Variants in KHDRBS2 observed in about 807,000 individuals in gnomAD.
KHDRBS2 encodes the protein KH domain-containing, RNA-binding, signal transduction-associated protein 2.
A neutral mutation model predicts 44.3 loss-of-function variants in KHDRBS2; 26 were observed. That is an observed-to-expected ratio of 0.59 (90% confidence interval 0.43 to 0.81). The LOEUF is 0.81. Among genes scored for constraint, KHDRBS2 ranks in the 40% least tolerant of loss-of-function variants. KHDRBS2 has a pLI of 0.00. For missense variants in KHDRBS2, 476 were observed against 433.1 expected (o/e 1.10, Z -0.88); for synonymous variants, 194 against 151.1 (o/e 1.28, Z -2.08).
intron 2 of KHDRBS2, among the ~76,000 whole-genome samples, chr6:62,128,781 ATT>A (rs1809565922): frequency 6.6e-6 from 1 of 152,040 alleles, no homozygotes; most frequent in African/African-American, 2.4e-5. Flanking sequence ...GATGTAAACA[ATT>A]ACAACGACAC....
chr6:61,599,610 A>G, the KHDRBS2 span, among the ~76,000 whole-genome samples: 2 of 152,192 alleles, frequency 1.3e-5, no homozygotes, highest in Non-Finnish European at 2.9e-5. Context: ...CAGTCATAGA[A>G]CCATTAAATC....
chr6:61,582,689 T>C, the KHDRBS2 span, among the ~76,000 whole-genome samples: 1 of 93,242 alleles, frequency 1.1e-5, no homozygotes, highest in East Asian at 2.8e-4. Flanking sequence ...GTAGTTATTA[T>C]GTAACTTTTT....
At chr6:62,031,140 A>C (rs1215481072) in intron 3 of KHDRBS2, among the ~76,000 whole-genome samples, 1 of 152,082 alleles carries the variant, frequency 6.6e-6, no homozygotes, top group Non-Finnish European at 1.5e-5. Flanking sequence ...AGGCTCAAAT[A>C]ATTTTTTTTG....
At chr6:61,745,496 A>G (rs1776733694) in intron 6 of KHDRBS2, among the ~76,000 whole-genome samples, 1 of 152,158 alleles carries the variant, frequency 6.6e-6, no homozygotes, top group Non-Finnish European at 1.5e-5. Context: ...TATTGTAGGC[A>G]TCCTTGCTGC....
chr6:62,103,003 T>C (rs138640677), intron 2 of KHDRBS2, among the ~76,000 whole-genome samples: 9 of 152,232 alleles, frequency 5.9e-5, no homozygotes, highest in African/African-American at 2.2e-4. Flanking sequence ...CACAGGCAGT[T>C]GTACCTGATT....
At position 62,098,885 on chromosome 6, in the gene KHDRBS2, AT is replaced by A. The variant is rs1212750100; in HGVS notation, c.220-50892del. On this transcript the variant is annotated intron_variant, in intron 2 of 8. Coordinates refer to ENST00000281156, the MANE Select transcript of KHDRBS2 (RefSeq NM_152688.4). The stretch of plus-strand genomic sequence containing the variant: ...CAAATAGTCTGTCTTTGGGCTCACT[AT>A]TTTTTTCTTCTAATTGATGTAGTCT... Among the ~76,000 whole-genome samples, 3 of 151,512 alleles carry A rather than the reference AT, an allele frequency of 2.0e-5. No homozygotes were observed. In the East Asian group the frequency reaches 5.8e-4, roughly 29 times the overall value.
intron 4 of KHDRBS2, among the ~76,000 whole-genome samples, chr6:61,913,853 C>T (rs182261739): frequency 6.6e-6 from 1 of 152,130 alleles, no homozygotes. Context: ...CAGGAAGGAG[C>T]TGAGCATCTT....
intron 6 of KHDRBS2, among the ~76,000 whole-genome samples, chr6:61,830,923 T>C (rs1791694511): frequency 1.3e-5 from 2 of 152,212 alleles, no homozygotes. Context: ...TATTATTTTA[T>C]ATATCATTAG....
chr6:62,257,587 A>G (rs1312114159), intron 1 of KHDRBS2, among the ~76,000 whole-genome samples: 6 of 152,060 alleles, frequency 3.9e-5, no homozygotes, highest in Non-Finnish European at 5.9e-5. Flanking sequence ...AAAGTCTTCA[A>G]GCAGTTTGTT....
chr6:62,094,190 C>T (rs1330179208), intron 2 of KHDRBS2, among the ~76,000 whole-genome samples: 2 of 151,770 alleles, frequency 1.3e-5, no homozygotes, highest in Non-Finnish European at 2.9e-5. Context: ...TCACCTTCTC[C>T]CCAACATTTG....
the KHDRBS2 span, among the ~76,000 whole-genome samples, chr6:61,663,125 T>G: frequency 6.6e-6 from 1 of 150,744 alleles, no homozygotes; most frequent in Non-Finnish European, 1.5e-5. Context: ...CTGGAAACCA[T>G]CATTCTAAGC....
chr6:61,855,476 A>T (rs1796016833), intron 6 of KHDRBS2, among the ~76,000 whole-genome samples: 2 of 105,820 alleles, frequency 1.9e-5, no homozygotes. Flanking sequence ...CTAATTTTAG[A>T]TGTGTGTGTA....
chr6:62,105,796 T>C (rs1321467855), intron 2 of KHDRBS2, among the ~76,000 whole-genome samples: 4 of 152,182 alleles, frequency 2.6e-5, no homozygotes, highest in African/African-American at 7.2e-5. Flanking sequence ...GCTCTGATTT[T>C]AGTTATTTTT....
Position 61,953,233 on chromosome 6 carries a change from T to C in KHDRBS2, c.483+24833A>G, listed in dbSNP as rs1765138017. 2.0e-5 allele frequency among the ~76,000 whole-genome samples: 3 copies of C among 152,060 alleles called. No homozygotes were observed. The South Asian group carries it at 6.2e-4, about 31-fold the overall frequency. The stretch of plus-strand genomic sequence containing the variant: ...AGTAGAGAAGCAATTATCATTTCTG[T>C]TTTAAATATGAAGAAATTCTGTCTT... On this transcript the variant is annotated intron_variant, in intron 4 of 8. Transcript: ENST00000281156.
At chr6:62,068,904 T>G (rs1293041261) in intron 2 of KHDRBS2, among the ~76,000 whole-genome samples, 1 of 151,732 alleles carries the variant, frequency 6.6e-6, no homozygotes, top group Non-Finnish European at 1.5e-5. Context: ...TGTAGCTTTG[T>G]AGTATATTTT....
In KHDRBS2 at chr6:61,881,489, G is replaced by A. The variant is rs138648178; in HGVS notation, c.810+13146C>T. On this transcript the variant is annotated intron_variant, in intron 6 of 8. Coordinates refer to ENST00000281156, the MANE Select transcript of KHDRBS2 (RefSeq NM_152688.4). ...ATTATGTTCAACTCTCTTTACAGAT[G>A]TGGGACACACTGAAAGACCAAGGAA... 2.1e-3 allele frequency among the ~76,000 whole-genome samples: 319 copies of A among 152,044 alleles called. 1 individual carries two copies. Among genetic ancestry groups the A allele is most frequent in the South Asian group, 8.3e-3 (40 of 4,822 alleles).
At chr6:62,172,786 A>G (rs1820322267) in intron 2 of KHDRBS2, among the ~76,000 whole-genome samples, 2 of 151,722 alleles carry the variant, frequency 1.3e-5, no homozygotes, top group Admixed American at 1.3e-4. Context: ...TGCTAAGAAG[A>G]TTGCTCAAAA....
the KHDRBS2 span, among the ~76,000 whole-genome samples, chr6:61,607,714 G>T: frequency 6.6e-6 from 1 of 152,014 alleles, no homozygotes; most frequent in Non-Finnish European, 1.5e-5. Flanking sequence ...TTGAGGCAGA[G>T]TCTTGCTCTG....
chr6:62,000,742 C>T (rs771378122), intron 3 of KHDRBS2, among the ~76,000 whole-genome samples: 7 of 152,038 alleles, frequency 4.6e-5, no homozygotes, highest in Admixed American at 6.6e-5. Flanking sequence ...AGCAGAGAGG[C>T]GGTCTCATGA....
Sources: allele counts gnomAD v4.1 joint callset (sites outside exome capture counted in the v4.1 genomes callset), GRCh38; gene constraint gnomAD v4.1.1; transcripts MANE v1.5; gene names NCBI Gene and HGNC (gene_info 2026-07-23, HGNC 2026-07-21).